Variants in AIFM1 observed in about 807,000 individuals in gnomAD.
AIFM1 encodes apoptosis-inducing factor 1, mitochondrial.
AIFM1 carries 3 observed loss-of-function variants against 51.7 expected under a neutral mutation model. That is an observed-to-expected ratio of 0.06 (90% CI 0.03 to 0.15). The LOEUF is 0.15. AIFM1 is among the 10% of genes least tolerant of loss of function. AIFM1 has a pLI of 1.00. For missense variants in AIFM1, 330 were observed against 476.8 expected (o/e 0.69, Z 2.87); for synonymous variants, 178 against 179.4 (o/e 0.99, Z 0.06).
At chrX:130,154,546 TTCAGCCAC>T (rs1167934035) in intron 2 of AIFM1, among the ~76,000 whole-genome samples, 1 of 112,351 alleles carries the variant, frequency 8.9e-6, no homozygotes, top group Non-Finnish European at 1.9e-5. Context: ...CTTGTACCGC[TTCAGCCAC>T]TAGTTTGACC....
chrX:130,143,980 T>C (rs1284601716), intron 6 of AIFM1, among the ~76,000 whole-genome samples: 2 of 112,041 alleles, frequency 1.8e-5, no homozygotes, highest in Non-Finnish European at 3.8e-5. Context: ...TTACTAGCTA[T>C]GTGAGTTTAG....
At position 130,155,410 on chromosome X, in the gene AIFM1, G is replaced by A. The variant is rs1457689710; in HGVS notation, c.249+1051C>T. ...TTACCCTGTGCTAAAAAAGGAAAAA[G>A]AAAAAAATGCTGCTCCAGGATTGCA... On this transcript the variant is annotated intron_variant, in intron 2 of 15. Transcript: ENST00000287295. 23 of 793,563 alleles carry A rather than the reference G, an allele frequency of 2.9e-5. No homozygotes were observed. In the Admixed American group the frequency reaches 3.5e-4, roughly 12 times the overall value. 65.4% of individuals were successfully genotyped at this position (793,563 alleles called of 1,213,427 possible).
At chrX:130,136,770 G>GAGC (rs761894619) in intron 10 of AIFM1, 39 bp from the exon 11 acceptor site, 44 of 1,162,666 alleles carry the variant, frequency 3.8e-5, no homozygotes, top group Non-Finnish European at 5.2e-5. Context: ...AGCCTACAAG[G>GAGC]CTATCACTTT....
intron 7 of AIFM1, 98 bp downstream of exon 7, chrX:130,140,435 C>T: frequency 1.4e-6 from 1 of 740,682 alleles, no homozygotes; most frequent in Non-Finnish European, 2.1e-6. Context: ...GTCTGGGTTT[C>T]CATTTTCTTA....
At chrX:130,140,445 A>T in intron 7 of AIFM1, 88 bp downstream of exon 7, 4 of 788,225 alleles carry the variant, frequency 5.1e-6, no homozygotes, top group South Asian at 2.1e-5. Context: ...CCATTTTCTT[A>T]AGTAGTAATG....
In AIFM1 at chrX:130,131,803, A is replaced by G; in HGVS notation, c.1449-4T>C. ...AACATCGGGGCCCAAATCACTCCTAAGAAGAGAGAAGAGGGTGTTCTGTCA... is the reference window on the plus strand; with the variant it reads ...AACATCGGGGCCCAAATCACTCCTAGGAAGAGAGAAGAGGGTGTTCTGTCA... On this transcript the variant is annotated splice_polypyrimidine_tract_variant and splice_region_variant and intron_variant, in intron 13 of 15. Coordinates refer to ENST00000287295, the MANE Select transcript of AIFM1 (RefSeq NM_004208.4). 6 of 1,210,808 alleles carry G rather than the reference A, an allele frequency of 5.0e-6. No individual in the cohort carries two copies. Among genetic ancestry groups the G allele is most frequent in the Non-Finnish European group, 6.7e-6 (6 of 894,410 alleles).
rs145415514 is a variant in AIFM1, at chrX:130,133,164, G to A, written c.1448+149C>T. On this transcript the variant is annotated intron_variant, in intron 13 of 15. Transcript: ENST00000287295. ...GGACACTTCTGCCAGATGGCTACCT[G>A]AGGGTAGAATGTGTGGACATAAGAT... The A allele has an allele frequency of 1.5e-3, 1,032 of 695,101 alleles. 7 individuals are homozygous for A. In the African/African-American group the frequency reaches 0.02, roughly 13 times the overall value. 57.3% of individuals were successfully genotyped at this position (695,101 alleles called of 1,213,427 possible).
chrX:130,155,282 C>T (rs1477677461), intron 2 of AIFM1: 3 of 1,209,528 alleles, frequency 2.5e-6, no homozygotes, highest in Admixed American at 2.2e-5. Context: ...GATGAGACTG[C>T]ACAACTGTAG....
Position 130,137,167 on chromosome X carries a change from T to C in AIFM1, c.986A>G (p.Glu329Gly). The stretch of plus-strand genomic sequence containing the variant: ...TTTCTCGGGGAAGAGTTGAATCACT[T>C]CTGTGCCCAAGGCTCGAGCTGGGAA... ...LGRKARALGT[E>G]VIQLFPEKGN... Residue 329 changes from glutamate (E) to glycine (G), a missense_variant, in exon 10 of 16, where the codon GAA (glutamate) becomes GGA (glycine). Transcript: ENST00000287295. 2 of 1,211,560 alleles carry C rather than the reference T, an allele frequency of 1.7e-6. No homozygotes were observed. Among genetic ancestry groups the C allele is most frequent in the Non-Finnish European group, 2.2e-6 (2 of 895,488 alleles).
At chrX:130,147,645 C>G (rs761679165) in intron 4 of AIFM1, 22 bp from the exon 5 acceptor site, 1 of 1,211,782 alleles carries the variant, frequency 8.3e-7, no homozygotes, top group Non-Finnish European at 1.1e-6. Flanking sequence ...AAAATCATGA[C>G]GCTTATCAGA....
At chrX:130,139,332 GA>G (rs1178707079) in intron 8 of AIFM1, among the ~76,000 whole-genome samples, 58 of 93,986 alleles carry the variant, frequency 6.2e-4, no homozygotes, top group Middle Eastern at 5.6e-3. Flanking sequence ...ATTCAGTCTC[GA>G]AAAAAAAAAA....
intron 5 of AIFM1, among the ~76,000 whole-genome samples, chrX:130,146,255 T>C (rs1043136256): frequency 1.8e-5 from 2 of 110,794 alleles, no homozygotes; most frequent in African/African-American, 3.3e-5. Context: ...TTGGGCAACA[T>C]AGCAACATCT....
At chrX:130,131,322 G>T (rs771097944) in intron 14 of AIFM1, among the ~76,000 whole-genome samples, 1 of 112,053 alleles carries the variant, frequency 8.9e-6, no homozygotes, top group Non-Finnish European at 1.9e-5. Flanking sequence ...AATGACAACT[G>T]AAAGAAAGAA....
chrX:130,158,293 GA>G (rs921431550), intron 1 of AIFM1, among the ~76,000 whole-genome samples: 17 of 111,351 alleles, frequency 1.5e-4, no homozygotes, highest in Non-Finnish European at 2.3e-4. Context: ...AAAGAAAAAA[GA>G]AAAAAAATGC....
chrX:130,143,829 AGAGT>A (rs2030663294), intron 6 of AIFM1, among the ~76,000 whole-genome samples: 1 of 110,254 alleles, frequency 9.1e-6, no homozygotes, highest in African/African-American at 3.3e-5. Flanking sequence ...CCTGGGCGAC[AGAGT>A]GAGAATCTGT....
rs1001403094 is a variant in AIFM1 at position 130,129,461 on chromosome X, T to C, written c.*96A>G. On this transcript the variant is annotated 3_prime_UTR_variant, in exon 16 of 16. Coordinates refer to ENST00000287295, the MANE Select transcript of AIFM1 (RefSeq NM_004208.4). ...CAAAGGACTTGATCATTCACACTCA[T>C]ACACAGAGAAAGTCTGCTGAATAAA... 6 of 691,210 alleles carry C rather than the reference T, an allele frequency of 8.7e-6. No homozygotes were observed. The African/African-American group carries it at 1.3e-4, about 15-fold the overall frequency. 57.0% of individuals were successfully genotyped at this position (691,210 alleles called of 1,213,427 possible). A position where few individuals can be genotyped will look rare whatever the true frequency, so the allele number is the denominator to read the frequency against.
intron 2 of AIFM1, chrX:130,155,023 A>T (rs2031117468): frequency 1.2e-6 from 1 of 842,113 alleles, no homozygotes; most frequent in Non-Finnish European, 1.7e-6. Flanking sequence ...GTGACTGACA[A>T]TGTCCCTTTA....
At chrX:130,142,123 G>C (rs2030598163) in intron 6 of AIFM1, among the ~76,000 whole-genome samples, 1 of 112,062 alleles carries the variant, frequency 8.9e-6, no homozygotes, top group African/African-American at 3.2e-5. Context: ...GCTGCTTTCA[G>C]AGTTTAGTGG....
At chrX:130,136,896 C>T (rs1931231517) in intron 10 of AIFM1, among the ~76,000 whole-genome samples, 165 bp from the exon 11 acceptor site, 2 of 111,116 alleles carry the variant, frequency 1.8e-5, no homozygotes, top group South Asian at 7.6e-4. Context: ...TTCAGCACTT[C>T]CAGGAATTTG....
Sources: gnomAD v4.1 joint callset for allele counts (sites outside exome capture counted in the v4.1 genomes callset) on GRCh38, gnomAD v4.1.1 for gene constraint, MANE v1.5 for transcripts, NCBI Gene and HGNC (gene_info 2026-07-23, HGNC 2026-07-21) for gene names.